The following ST6GAL2 variants were observed in gnomAD, a reference collection of about 807,000 sequenced individuals.
The protein encoded by ST6GAL2 is ST6 beta-galactoside alpha-2,6-sialyltransferase 2, also known as beta-galactoside alpha-2,6-sialyltransferase 2.
In ST6GAL2, 24 loss-of-function variants were observed where a neutral mutation model predicts 37.5. The observed-to-expected ratio is 0.64, with a 90% CI of 0.46 to 0.90. The LOEUF is 0.90. Ranked by LOEUF, ST6GAL2 falls within the 40% of genes least tolerant of loss-of-function variation. The pLI is 0.00. For missense variants in ST6GAL2, 715 were observed against 712.7 expected, an observed-to-expected ratio of 1.00 and a Z score of -0.04; for synonymous variants, 306 against 295.1, an observed-to-expected ratio of 1.04 and a Z score of -0.38.
At position 106,832,638 on chromosome 2, in the gene ST6GAL2, A is replaced by G. The variant is rs368477217; in HGVS notation, c.1070T>C (p.Ile357Thr). 1.8e-5 allele frequency: 29 copies of G among 1,612,750 alleles called. No homozygotes were observed. Among genetic ancestry groups the G allele is most frequent in the African/African-American group, 8.0e-5 (6 of 74,998 alleles). The change falls in exon 4 of 6, where the codon ATT (isoleucine) becomes ACT (threonine). Residue 357 changes from isoleucine (I) to threonine (T), a missense_variant. By Grantham distance (89) the Ile-to-Thr change is moderately conservative. Coordinates refer to ENST00000409382, the MANE Select transcript of ST6GAL2 (RefSeq NM_001142351.2). Reference sequence around the variant, plus strand: ...GACGTCTTTATACAGTGAACTGTCAATGAAGTGATGGCTGGGGTTGGTCAG... The same window carrying G: ...GACGTCTTTATACAGTGAACTGTCAGTGAAGTGATGGCTGGGGTTGGTCAG... ...QILTNPSHHF[I>T]DSSLYKDVIL...
At chr2:106,812,145 G>T (rs537607715) in intron 5 of ST6GAL2, among the ~76,000 whole-genome samples, 2 of 152,312 alleles carry the variant, frequency 1.3e-5, no homozygotes, top group Admixed American at 6.5e-5. Context: ...GCCTTTGTAA[G>T]AAGAGATGTT....
intron 5 of ST6GAL2, chr2:106,813,247 G>T (rs1354884495): frequency 3.8e-6 from 5 of 1,309,908 alleles, no homozygotes; most frequent in Non-Finnish European, 3.9e-6. Context: ...TTCATTTGAA[G>T]AAAATAAGTA....
In ST6GAL2 at chr2:106,823,995, A is replaced by G. The variant is rs545979719; in HGVS notation, c.1318+6071T>C. On this transcript the variant is annotated intron_variant, in intron 5 of 5. Transcript: ENST00000409382. ...TGAGGGTTAGAATTTCAACATACAA[A>G]TTTTACAGGGAGAAACATTCAAGTC... 1.7e-4 allele frequency among the ~76,000 whole-genome samples: 26 copies of G among 152,264 alleles called. No homozygotes were observed. In the South Asian group the frequency reaches 5.4e-3, roughly 32 times the overall value.
chr2:106,884,940 C>CACATATATATATATATATATAT (rs1558739526), intron 1 of ST6GAL2, among the ~76,000 whole-genome samples: 1 of 96,390 alleles, frequency 1.0e-5, no homozygotes, highest in African/African-American at 4.5e-5. Context: ...TATATACATA[C>CACATATATATATATATATATAT]ACACACACAC....
At chr2:106,847,064 G>C (rs977893548) in intron 1 of ST6GAL2, among the ~76,000 whole-genome samples, 1 of 152,098 alleles carries the variant, frequency 6.6e-6, no homozygotes, top group South Asian at 2.1e-4. Flanking sequence ...ACCAACCAAG[G>C]CTACATTTTC....
intron 5 of ST6GAL2, among the ~76,000 whole-genome samples, chr2:106,826,000 A>T (rs1676186286): frequency 6.6e-6 from 1 of 152,196 alleles, no homozygotes. Context: ...TCTCCCTGGG[A>T]ATCTAACTGC....
At position 106,806,202 on chromosome 2, in the gene ST6GAL2, T is replaced by C. The variant is rs1675409583; in HGVS notation, c.*476A>G. 1 of 153,230 alleles carries C rather than the reference T, an allele frequency of 6.5e-6. No individual in the cohort carries two copies. Among genetic ancestry groups the C allele is most frequent in the South Asian group, 2.0e-4 (1 of 4,888 alleles). The allele number at this position is 153,230 out of a possible 1,614,324, so 9.5% of individuals were successfully genotyped here. ...AAACACATCTGAGTGATAATTTCAA[T>C]GTCTGTCATAAAACCTAGGATATTT... On this transcript the variant is annotated 3_prime_UTR_variant, in exon 6 of 6. Transcript: ENST00000409382.
chr2:106,821,534 C>A (rs1402190311), intron 5 of ST6GAL2, among the ~76,000 whole-genome samples: 1 of 151,778 alleles, frequency 6.6e-6, no homozygotes, highest in African/African-American at 2.4e-5. Flanking sequence ...AATAAAGTTT[C>A]CCAGCAAAGA....
intron 1 of ST6GAL2, among the ~76,000 whole-genome samples, chr2:106,872,578 C>G (rs1474778978): frequency 6.6e-6 from 1 of 152,054 alleles, no homozygotes; most frequent in African/African-American, 2.4e-5. Context: ...TTCAAATGCC[C>G]CACATACATC....
intron 5 of ST6GAL2, among the ~76,000 whole-genome samples, chr2:106,822,069 T>C (rs1676023602): frequency 2.0e-5 from 3 of 152,006 alleles, no homozygotes; most frequent in Non-Finnish European, 4.4e-5. Context: ...TGGAGAAAAA[T>C]TGAAAACTTT....
chr2:106,862,031 T>G (rs1371716462), intron 1 of ST6GAL2, among the ~76,000 whole-genome samples: 1 of 152,226 alleles, frequency 6.6e-6, no homozygotes, highest in East Asian at 1.9e-4. Flanking sequence ...ATTTCCACGC[T>G]GATTAAATGA....
At chr2:106,818,860 G>A (rs1020517997) in intron 5 of ST6GAL2, among the ~76,000 whole-genome samples, 19 of 151,978 alleles carry the variant, frequency 1.3e-4, no homozygotes, top group African/African-American at 4.6e-4. Context: ...AAGAAATTCA[G>A]AATCCTATCA....
At position 106,834,909 on chromosome 2, in the gene ST6GAL2, G is replaced by C. The variant is rs934112107; in HGVS notation, c.944-763C>G. ...GCAACGTAAATCTACATCTCACTTC[G>C]TTCAACTTGACAGCCCGACTTGCCC... On this transcript the variant is annotated intron_variant, in intron 2 of 5. Coordinates refer to ENST00000409382, the MANE Select transcript of ST6GAL2 (RefSeq NM_001142351.2). 14 of 152,238 alleles carry C rather than the reference G, an allele frequency of 9.2e-5. No individual in the cohort carries two copies. The South Asian group carries it at 1.7e-3, about 18-fold the overall frequency. The allele number at this position is 152,238 out of a possible 1,614,324, so 9.4% of individuals were successfully genotyped here. A position where few individuals can be genotyped will look rare whatever the true frequency, so the allele number is the denominator to read the frequency against.
chr2:106,873,355 G>A (rs148504765), intron 1 of ST6GAL2, among the ~76,000 whole-genome samples: 3 of 152,300 alleles, frequency 2.0e-5, no homozygotes, highest in African/African-American at 7.2e-5. Flanking sequence ...GACAACTGAT[G>A]TTGTATACTC....
chr2:106,816,520 G>A (rs750948347), intron 5 of ST6GAL2, among the ~76,000 whole-genome samples: 4 of 152,158 alleles, frequency 2.6e-5, no homozygotes, highest in Non-Finnish European at 5.9e-5. Context: ...AATATTTTGT[G>A]AGGTGGAGTT....
intron 1 of ST6GAL2, among the ~76,000 whole-genome samples, chr2:106,849,379 A>G (rs139181313): frequency 7.2e-4 from 109 of 152,236 alleles, no homozygotes; most frequent in African/African-American, 2.6e-3. Context: ...CAGGATTAAT[A>G]TTAACATAGA....
chr2:106,839,276 T>C (rs1364819960), intron 2 of ST6GAL2, among the ~76,000 whole-genome samples: 2 of 152,048 alleles, frequency 1.3e-5, no homozygotes, highest in African/African-American at 2.4e-5. Flanking sequence ...CACTTCCATA[T>C]GATGCTGGGC....
chr2:106,855,743 G>A (rs1677549793), intron 1 of ST6GAL2, among the ~76,000 whole-genome samples: 1 of 152,122 alleles, frequency 6.6e-6, no homozygotes, highest in African/African-American at 2.4e-5. Context: ...AAGTAAAGTT[G>A]TAATAAAAGT....
At position 106,843,752 on chromosome 2, in the gene ST6GAL2, C is replaced by G. The variant is rs771103475; in HGVS notation, c.226G>C (p.Ala76Pro). 4.3e-6 allele frequency: 7 copies of G among 1,609,740 alleles called. No homozygotes were observed. The highest frequency in any genetic ancestry group is 3.3e-4 in the Middle Eastern group (2 of 6,038). Residue 76 changes from alanine to proline, a missense_variant, in exon 2 of 6, where the codon GCA becomes CCA. This residue lies in a region of ST6GAL2 where 512 missense variants were observed against 488.8 expected (regional missense o/e 1.05). Transcript: ENST00000409382. ...TGGGCGCGGGGCAGCGCCTGGCGTG[C>G]GTCCAGGCCCCCAGGCGGGGAGGGC... ...HEPSPPGGLDARQALPRAHPA... is the reference protein window; with the variant it reads ...HEPSPPGGLDPRQALPRAHPA...
Sources: gnomAD v4.1 joint callset for allele counts (sites outside exome capture counted in the v4.1 genomes callset) on GRCh38, gnomAD v4.1.1 for gene constraint, gnomAD v4.1.1 regional missense constraint, MANE v1.5 for transcripts, NCBI Gene and HGNC (gene_info 2026-07-23, HGNC 2026-07-21) for gene names.